Variants in PARD3B observed in about 807,000 individuals in gnomAD.
PARD3B encodes the protein partitioning defective 3 homolog B.
Under a neutral mutation model 130.2 loss-of-function variants are expected in PARD3B, and 103 were observed. The observed-to-expected ratio is 0.79, with a 90% CI of 0.67 to 0.93. The LOEUF (loss-of-function observed/expected upper bound fraction) is 0.93. Among genes scored for constraint, PARD3B ranks in the 40% least tolerant of loss-of-function variants. The pLI, the probability that PARD3B is intolerant of heterozygous loss-of-function variation, is 0.00. For missense variants in PARD3B, 1,609 were observed against 1,499.2 expected, an observed-to-expected ratio of 1.07 and a Z score of -1.21; for synonymous variants, 583 against 553.2, an observed-to-expected ratio of 1.05 and a Z score of -0.76.
intron 1 of PARD3B, among the ~76,000 whole-genome samples, chr2:204,660,060 C>T (rs965737452): frequency 6.6e-6 from 1 of 152,102 alleles, no homozygotes; most frequent in African/African-American, 2.4e-5. Flanking sequence ...CCAGGCAAGA[C>T]GAACAGAGGT....
rs535129170 is a variant in PARD3B, at chr2:205,525,503, C to A, written c.3180+25472C>A. On this transcript the variant is annotated intron_variant, in intron 21 of 22. Coordinates refer to ENST00000406610, the MANE Select transcript of PARD3B (RefSeq NM_001302769.2). This position sits in a 1 kb window ranked among gnomAD's most constrained non-coding sequence, Gnocchi z 4.2. ...AAAAAGGTTTAATTTTTTCTGTCAA[C>A]GTGCATTGTTGTAATTATTAAAGAT... is the stretch of plus-strand genomic sequence containing the variant. Among the ~76,000 whole-genome samples, 1 of 152,024 alleles carries A rather than the reference C, an allele frequency of 6.6e-6. No individual in the cohort carries two copies. The highest frequency in any genetic ancestry group is 1.9e-4 in the East Asian group (1 of 5,196).
intron 18 of PARD3B, among the ~76,000 whole-genome samples, chr2:205,381,417 C>T (rs2045444400): frequency 6.6e-6 from 1 of 151,156 alleles, no homozygotes; most frequent in East Asian, 1.9e-4. Context: ...TTACATATGT[C>T]GTTAAGTAGT....
In PARD3B at chr2:204,803,509, A is replaced by G. The variant is rs917920092; in HGVS notation, c.222+117227A>G. On this transcript the variant is annotated intron_variant, in intron 2 of 22. Coordinates refer to ENST00000406610, the MANE Select transcript of PARD3B (RefSeq NM_001302769.2). ...AATAGACAGTATGTAATATATGTAT[A>G]GAAACAGCCAAGAGTTAAAAAGCAG... 4.6e-5 allele frequency among the ~76,000 whole-genome samples: 7 copies of G among 152,246 alleles called. 1 individual carries two copies. The highest frequency in any genetic ancestry group is 1.4e-4 in the African/African-American group (6 of 41,472).
chr2:205,127,477 G>C (rs1260086212), intron 10 of PARD3B, among the ~76,000 whole-genome samples: 1 of 152,126 alleles, frequency 6.6e-6, no homozygotes, highest in Non-Finnish European at 1.5e-5. Flanking sequence ...GGAACAGTAA[G>C]GATTAGTTGA....
At chr2:205,020,880 G>A (rs141575428) in intron 3 of PARD3B, among the ~76,000 whole-genome samples, 80 of 152,234 alleles carry the variant, frequency 5.3e-4, no homozygotes, top group Admixed American at 1.6e-3. Context: ...ACAAGGCAAA[G>A]GTTAATACGA....
chr2:205,190,148 C>T (rs945886690), intron 14 of PARD3B, among the ~76,000 whole-genome samples: 1 of 152,130 alleles, frequency 6.6e-6, no homozygotes, highest in African/African-American at 2.4e-5. Flanking sequence ...GTGTCATTGC[C>T]ACCTTACTTT....
chr2:205,478,045 A>C (rs2049087552), intron 20 of PARD3B, among the ~76,000 whole-genome samples: 1 of 152,248 alleles, frequency 6.6e-6, no homozygotes. Context: ...ACTCCACTTC[A>C]TCCAACCTTC....
intron 2 of PARD3B, among the ~76,000 whole-genome samples, chr2:204,944,399 G>T (rs142823107): frequency 1.3e-5 from 2 of 152,168 alleles, no homozygotes; most frequent in Non-Finnish European, 2.9e-5. Flanking sequence ...AAGGAGATGT[G>T]CCCTTTGGTA....
At chr2:204,585,250 C>T (rs930522012) in intron 1 of PARD3B, among the ~76,000 whole-genome samples, 6 of 152,224 alleles carry the variant, frequency 3.9e-5, no homozygotes, top group African/African-American at 1.4e-4. Context: ...AACAACCCAG[C>T]AGTAACTAGC....
chr2:204,710,583 C>T (rs2038386372), intron 2 of PARD3B, among the ~76,000 whole-genome samples: 1 of 152,208 alleles, frequency 6.6e-6, no homozygotes, highest in South Asian at 2.1e-4. Flanking sequence ...CGATTACTGA[C>T]TGGCTGATTT....
intron 22 of PARD3B, among the ~76,000 whole-genome samples, chr2:205,571,220 G>C (rs994345270): frequency 3.9e-5 from 6 of 152,178 alleles, no homozygotes; most frequent in African/African-American, 1.4e-4. Context: ...TGGATTTGTG[G>C]CCTAATCTAG....
chr2:204,647,072 G>A (rs920881721), intron 1 of PARD3B, among the ~76,000 whole-genome samples: 11 of 151,864 alleles, frequency 7.2e-5, no homozygotes, highest in Middle Eastern at 3.2e-3. Context: ...TTACACCATC[G>A]TAAAGTCGAA....
At chr2:205,318,647 T>C (rs1476530126) in intron 18 of PARD3B, among the ~76,000 whole-genome samples, 1 of 152,170 alleles carries the variant, frequency 6.6e-6, no homozygotes. Context: ...GCATTTAACA[T>C]TTATACAAAC....
At chr2:204,809,866 A>G (rs779287074) in intron 2 of PARD3B, among the ~76,000 whole-genome samples, 19 of 152,198 alleles carry the variant, frequency 1.2e-4, no homozygotes, top group Non-Finnish European at 2.5e-4. Context: ...GATTCTTTCT[A>G]TCCATGAGCA....
chr2:205,094,447 T>A (rs1575763916), intron 4 of PARD3B, among the ~76,000 whole-genome samples: 3 of 152,168 alleles, frequency 2.0e-5, no homozygotes, highest in African/African-American at 7.2e-5. Context: ...GGCTTGTCAA[T>A]GCGGTTCTCT....
At chr2:205,171,298 G>T (rs1413733290) in intron 11 of PARD3B, among the ~76,000 whole-genome samples, 1 of 152,152 alleles carries the variant, frequency 6.6e-6, no homozygotes, top group Non-Finnish European at 1.5e-5. Flanking sequence ...AAGCATCTTT[G>T]CTCCTGGGCT....
At chr2:205,416,704 T>G (rs566158972) in intron 19 of PARD3B, among the ~76,000 whole-genome samples, 30 of 152,184 alleles carry the variant, frequency 2.0e-4, no homozygotes, top group African/African-American at 7.0e-4. Flanking sequence ...TATGGAAGAT[T>G]GATGCATTAA....
intron 4 of PARD3B, among the ~76,000 whole-genome samples, chr2:205,070,181 C>T (rs956593537): frequency 1.3e-5 from 2 of 152,102 alleles, no homozygotes; most frequent in Admixed American, 6.6e-5. Flanking sequence ...AAGGACCCTA[C>T]TTGCAAGACA....
chr2:204,702,497 T>C (rs1398879668), intron 2 of PARD3B, among the ~76,000 whole-genome samples: 3 of 152,204 alleles, frequency 2.0e-5, no homozygotes, highest in Non-Finnish European at 4.4e-5. Context: ...TTAATAATGA[T>C]GAGCATTTTA....
Sources: gnomAD v4.1 joint callset for allele counts (sites outside exome capture counted in the v4.1 genomes callset) on GRCh38, gnomAD v4.1.1 for gene constraint, Gnocchi (gnomAD v3.1) non-coding constraint, MANE v1.5 for transcripts, NCBI Gene and HGNC (gene_info 2026-07-23, HGNC 2026-07-21) for gene names.